Variants in PCNX2 observed in about 807,000 individuals in gnomAD.
PCNX2 encodes the protein pecanex 2.
PCNX2 carries 168 observed loss-of-function variants against 223.8 expected under a neutral mutation model. The ratio of observed to expected loss-of-function variants is 0.75; its 90% CI spans 0.66 to 0.85. The LOEUF (loss-of-function observed/expected upper bound fraction) is 0.85. Among genes scored for constraint, PCNX2 ranks in the 40% least tolerant of loss-of-function variants. The probability of loss-of-function intolerance (pLI) is 0.00; values close to 1 mark genes in which losing one functional copy is unlikely to be tolerated. For synonymous variants in PCNX2, 1,006 were observed against 1,052.6 expected (o/e 0.96, Z 0.86); for missense variants, 2,507 against 2,675.5 (o/e 0.94, Z 1.39).
intron 1 of PCNX2, among the ~76,000 whole-genome samples, chr1:233,277,367 A>G (rs1572192721): frequency 6.6e-6 from 1 of 152,114 alleles, no homozygotes; most frequent in East Asian, 1.9e-4. Context: ...CCTACAATTA[A>G]TTTTCTCCAG....
chr1:233,110,801 A>T (rs1027097345), intron 21 of PCNX2, among the ~76,000 whole-genome samples: 1 of 150,784 alleles, frequency 6.6e-6, no homozygotes, highest in Non-Finnish European at 1.5e-5. Flanking sequence ...TATATTATTT[A>T]AACGTAATAT....
rs774710474 is a variant in PCNX2 at position 233,259,016 on chromosome 1, G to C, written c.846C>G (p.Val282=). The C allele has an allele frequency of 1.9e-6, 3 of 1,613,780 alleles. No individual in the cohort carries two copies. The African/African-American group carries it at 4.0e-5, about 22-fold the overall frequency. Residue 282 remains valine (V), a synonymous_variant, in exon 5 of 34, where the codon GTC becomes GTG. Transcript: ENST00000258229. ...SFQPWGSENS[V]LIPEPVSCPR... Reference sequence around the variant, plus strand: ...GACAACTGACAGGTTCTGGAATCAGGACTGAATTCTCACTCCCCCACGGCT... The same window carrying C: ...GACAACTGACAGGTTCTGGAATCAGCACTGAATTCTCACTCCCCCACGGCT...
chr1:233,292,416 C>A (rs543655873), intron 1 of PCNX2, among the ~76,000 whole-genome samples: 2 of 152,126 alleles, frequency 1.3e-5, no homozygotes, highest in East Asian at 3.9e-4. Flanking sequence ...ACTATGTTAG[C>A]CAAGCTGGTC....
Position 233,126,515 on chromosome 1 carries a change from G to T in PCNX2, c.3837+8498C>A, listed in dbSNP as rs1458540314. 7.4e-6 allele frequency among the ~76,000 whole-genome samples: 1 copy of T among 135,942 alleles called. No homozygotes were observed. The highest frequency in any genetic ancestry group is 1.6e-5 in the Non-Finnish European group (1 of 62,124). The allele number at this position is 135,942 out of a possible 152,430, so 89.2% of individuals were successfully genotyped here. The stretch of plus-strand genomic sequence containing the variant: ...TTAAATTTGTGTGGTGTGTGTGTGT[G>T]TTTGTGTGTGTGTGTGTGTGTGTAA... On this transcript the variant is annotated intron_variant, in intron 21 of 33. Coordinates refer to ENST00000258229, the MANE Select transcript of PCNX2 (RefSeq NM_014801.4). This position sits in a 1 kb window ranked among gnomAD's most constrained non-coding sequence, Gnocchi z 4.8.
intron 7 of PCNX2, 81 bp downstream of exon 7, chr1:233,252,273 A>C: frequency 4.1e-6 from 6 of 1,454,066 alleles, no homozygotes; most frequent in Non-Finnish European, 5.6e-6. Context: ...TCTAGTACTC[A>C]TGCTAAGGTA....
chr1:233,240,512 G>A (rs893575649), intron 8 of PCNX2, among the ~76,000 whole-genome samples: 1 of 152,162 alleles, frequency 6.6e-6, no homozygotes, highest in Non-Finnish European at 1.5e-5. Flanking sequence ...TCCCAAGCCT[G>A]TAGTAACTAT....
At chr1:233,315,105 A>T in the PCNX2 span, among the ~76,000 whole-genome samples, 3 of 152,190 alleles carry the variant, frequency 2.0e-5, no homozygotes, top group Admixed American at 2.0e-4. Context: ...TCTTACAGAG[A>T]ATAAGTGATA....
chr1:233,123,742 A>C (rs74925541), intron 21 of PCNX2, among the ~76,000 whole-genome samples: 2,551 of 152,322 alleles, frequency 0.017, 29 homozygotes, highest in East Asian at 0.044. Context: ...GGGAAGAAAG[A>C]AAATGTGGAC....
At chr1:233,018,108 G>C (rs1196846752) in intron 26 of PCNX2, among the ~76,000 whole-genome samples, 1 of 152,144 alleles carries the variant, frequency 6.6e-6, no homozygotes, top group Non-Finnish European at 1.5e-5. Flanking sequence ...CTGAAGCCTT[G>C]AACTCCTGGG....
chr1:232,999,444 T>C, intron 30 of PCNX2, 65 bp from the exon 31 acceptor site: 2 of 1,448,256 alleles, frequency 1.4e-6, no homozygotes, highest in Non-Finnish European at 9.1e-7. Context: ...TATTGGTTTT[T>C]TCTTTTTCTT....
chr1:233,305,226 C>T, the PCNX2 span, among the ~76,000 whole-genome samples: 7 of 151,522 alleles, frequency 4.6e-5, no homozygotes, highest in Admixed American at 3.9e-4. Context: ...AAAGACAAAT[C>T]GTAAAGCAAG....
rs1409667453 is a variant in PCNX2 at position 233,199,749 on chromosome 1, TCAC to T, written c.2974+402_2974+404del. Among the ~76,000 whole-genome samples, 4 of 151,688 alleles carry T rather than the reference TCAC, an allele frequency of 2.6e-5. No homozygotes were observed. The East Asian group carries it at 5.8e-4, about 22-fold the overall frequency. On this transcript the variant is annotated intron_variant, in intron 14 of 33. Transcript: ENST00000258229. ...CACAGCACAGTGTCAACCCACAGGCTCACCACATTGATGCACTCCCAGACTTGA... is the reference window on the plus strand; with the variant it reads ...CACAGCACAGTGTCAACCCACAGGCTCACATTGATGCACTCCCAGACTTGA...
intron 23 of PCNX2, among the ~76,000 whole-genome samples, chr1:233,064,783 G>T (rs1672530572): frequency 6.6e-6 from 1 of 152,014 alleles, no homozygotes; most frequent in Admixed American, 6.6e-5. Context: ...AGGTATAAAA[G>T]TTTTGAGATT....
intron 13 of PCNX2, among the ~76,000 whole-genome samples, chr1:233,204,550 G>C (rs1352894185): frequency 6.6e-6 from 1 of 152,220 alleles, no homozygotes; most frequent in African/African-American, 2.4e-5. Context: ...TCCCTTGCTA[G>C]TTGAGGGAAT....
intron 20 of PCNX2, among the ~76,000 whole-genome samples, chr1:233,136,139 C>T (rs1192026065): frequency 6.6e-6 from 1 of 152,222 alleles, no homozygotes; most frequent in Non-Finnish European, 1.5e-5. Context: ...TTTCTGAAGA[C>T]AGACACTGCA....
At chr1:233,214,990 A>G (rs529593792) in intron 12 of PCNX2, among the ~76,000 whole-genome samples, 2 of 152,360 alleles carry the variant, frequency 1.3e-5, no homozygotes, top group South Asian at 2.1e-4. Flanking sequence ...AGGTCTGTCA[A>G]TCACTCTAAG....
At chr1:233,122,182 T>C (rs1401770525) in intron 21 of PCNX2, among the ~76,000 whole-genome samples, 1 of 151,576 alleles carries the variant, frequency 6.6e-6, no homozygotes, top group Non-Finnish European at 1.5e-5. Flanking sequence ...GAGCTCCAAG[T>C]AGCCAAAGTT....
intron 25 of PCNX2, among the ~76,000 whole-genome samples, chr1:233,046,123 T>C (rs537614440): frequency 3.2e-4 from 48 of 152,328 alleles, no homozygotes; most frequent in African/African-American, 1.1e-3. Context: ...CTCTCTGGAG[T>C]GTATTTCTCA....
intron 19 of PCNX2, among the ~76,000 whole-genome samples, chr1:233,140,838 C>A (rs937316718): frequency 6.6e-6 from 1 of 152,174 alleles, no homozygotes; most frequent in Non-Finnish European, 1.5e-5. Context: ...CCAGGGCCCT[C>A]GGCTAGGCCC....
Sources: gnomAD v4.1 joint callset for allele counts (sites outside exome capture counted in the v4.1 genomes callset) on GRCh38, gnomAD v4.1.1 for gene constraint, Gnocchi (gnomAD v3.1) non-coding constraint, MANE v1.5 for transcripts, NCBI Gene and HGNC (gene_info 2026-07-23, HGNC 2026-07-21) for gene names.